Variants in DMXL1 observed in about 807,000 individuals in gnomAD.
DMXL1 encodes dmX-like protein 1.
DMXL1 carries 99 observed loss-of-function variants against 319.2 expected under a neutral mutation model. That is an observed-to-expected ratio of 0.31 (90% CI 0.26 to 0.37). DMXL1 has a LOEUF of 0.37. Among genes scored for constraint, DMXL1 ranks in the 10% least tolerant of loss-of-function variants. The probability of loss-of-function intolerance (pLI) is 1.00; values close to 1 mark genes in which losing one functional copy is unlikely to be tolerated. For synonymous variants in DMXL1, 1,385 were observed against 1,235.2 expected (o/e 1.12, Z -2.54); for missense variants, 3,745 against 3,595.6 (o/e 1.04, Z -1.06).
At chr5:119,157,372 G>A (rs1404945334) in intron 19 of DMXL1, among the ~76,000 whole-genome samples, 1 of 152,060 alleles carries the variant, frequency 6.6e-6, no homozygotes, top group Non-Finnish European at 1.5e-5. Flanking sequence ...CGTCCCTTTG[G>A]TGTGATATCC....
chr5:119,102,005 T>C lies in DMXL1; in HGVS notation c.284T>C (p.Leu95Ser). 6.3e-7 allele frequency: 1 copy of C among 1,582,290 alleles called. No homozygotes were observed. The highest frequency in any genetic ancestry group is 8.6e-7 in the Non-Finnish European group (1 of 1,156,328). The stretch of plus-strand genomic sequence containing the variant: ...AACCTACCAAAACAAAAGAAAAATT[T>C]GGTCAGTAATTTATGATTTCTTCTT... Reference protein sequence around the residue: ...PVNLPKQKKNLELYSQWQKSG... With the variant: ...PVNLPKQKKNSELYSQWQKSG... The change falls in exon 3 of 44, where the codon TTG becomes TCG. Residue 95 changes from leucine (L) to serine (S), a missense_variant and splice_region_variant. By Grantham distance (145) the Leu-to-Ser change is moderately radical (BLOSUM62 -2). Coordinates refer to ENST00000539542, the MANE Select transcript of DMXL1 (RefSeq NM_001290321.3).
At chr5:119,095,566 GT>G (rs1755763919) in intron 1 of DMXL1, among the ~76,000 whole-genome samples, 1 of 152,140 alleles carries the variant, frequency 6.6e-6, no homozygotes, top group Non-Finnish European at 1.5e-5. Context: ...GAAGACATGA[GT>G]TTTTTTATTC....
intron 9 of DMXL1, among the ~76,000 whole-genome samples, chr5:119,122,270 A>C (rs1256696771): frequency 4.8e-3 from 289 of 60,476 alleles, no homozygotes; most frequent in Admixed American, 8.5e-3. Flanking sequence ...GGGGCCGACC[A>C]CCCCACCTCC....
At chr5:119,171,564 TA>T (rs1774560957) in intron 24 of DMXL1, among the ~76,000 whole-genome samples, 1 of 144,470 alleles carries the variant, frequency 6.9e-6, no homozygotes, top group Non-Finnish European at 1.6e-5. Flanking sequence ...GATATTGTCT[TA>T]TTTTTTTTTT....
intron 9 of DMXL1, among the ~76,000 whole-genome samples, chr5:119,124,876 C>G (rs1763163955): frequency 6.6e-6 from 1 of 151,980 alleles, no homozygotes; most frequent in African/African-American, 2.4e-5. Flanking sequence ...CAACATTTTT[C>G]TTTTATTGTG....
At chr5:119,104,326 G>A (rs1757885440) in intron 3 of DMXL1, 1 of 152,218 alleles carries the variant, frequency 6.6e-6, no homozygotes, top group Non-Finnish European at 1.5e-5. Context: ...TTTCATGAAA[G>A]CATATTCTGT....
intron 9 of DMXL1, among the ~76,000 whole-genome samples, chr5:119,121,598 G>C (rs1052428932): frequency 1.3e-5 from 2 of 152,130 alleles, no homozygotes; most frequent in Admixed American, 6.5e-5. Context: ...AGGGTTGGGG[G>C]TAAGGTCACA....
chr5:119,080,084 C>T (rs1420222465), intron 1 of DMXL1, among the ~76,000 whole-genome samples: 4 of 152,134 alleles, frequency 2.6e-5, no homozygotes, highest in East Asian at 3.8e-4. Flanking sequence ...ATGTTCTGCA[C>T]GCCTGTAATC....
intron 3 of DMXL1, 54 bp from the exon 4 acceptor site, chr5:119,105,126 T>G: frequency 8.7e-7 from 1 of 1,146,740 alleles, no homozygotes; most frequent in South Asian, 1.2e-5. Context: ...CGTACACATT[T>G]GACAGAGAAA....
chr5:119,193,575 TG>T (rs761689286), intron 29 of DMXL1, among the ~76,000 whole-genome samples: 5 of 152,206 alleles, frequency 3.3e-5, no homozygotes, highest in Non-Finnish European at 7.3e-5. Context: ...TGATTGTATC[TG>T]TCTTAAAAAT....
intron 42 of DMXL1, among the ~76,000 whole-genome samples, chr5:119,241,204 T>C (rs1197803029): frequency 6.6e-6 from 1 of 152,124 alleles, no homozygotes; most frequent in Non-Finnish European, 1.5e-5. Flanking sequence ...TTTATTGATA[T>C]TGTAAAGTTT....
intron 19 of DMXL1, among the ~76,000 whole-genome samples, chr5:119,155,530 T>C (rs1770815140): frequency 6.6e-6 from 1 of 152,142 alleles, no homozygotes; most frequent in Admixed American, 6.5e-5. Context: ...ACTGAATTGC[T>C]GCAATCTCAG....
chr5:119,125,144 A>G (rs1000416232), intron 9 of DMXL1, among the ~76,000 whole-genome samples: 3 of 152,232 alleles, frequency 2.0e-5, no homozygotes, highest in Admixed American at 1.3e-4. Flanking sequence ...TTACATCACA[A>G]CATTGTTATG....
intron 38 of DMXL1, among the ~76,000 whole-genome samples, chr5:119,229,846 A>G (rs1786334175): frequency 6.6e-6 from 1 of 152,152 alleles, no homozygotes; most frequent in Non-Finnish European, 1.5e-5. Flanking sequence ...TAATTTACAG[A>G]AGCATGTTCT....
At chr5:119,234,764 T>C (rs948338878) in intron 39 of DMXL1, among the ~76,000 whole-genome samples, 1 of 152,190 alleles carries the variant, frequency 6.6e-6, no homozygotes, top group African/African-American at 2.4e-5. Context: ...CTTATCTCTC[T>C]AATGCATCTT....
intron 1 of DMXL1, among the ~76,000 whole-genome samples, chr5:119,080,845 C>T (rs1345781603): frequency 6.6e-6 from 1 of 152,062 alleles, no homozygotes; most frequent in East Asian, 1.9e-4. Flanking sequence ...AACGTCTTTC[C>T]ATTTACACAG....
In DMXL1 at chr5:119,133,806, T is replaced by G; in HGVS notation, c.1882T>G (p.Ser628Ala). Residue 628 changes from serine to alanine, a missense_variant, in exon 12 of 44, where the codon TCC becomes GCC. By Grantham distance (99) the Ser-to-Ala change is moderately conservative. Transcript: ENST00000539542. The part of the protein sequence containing the change: ...ESAFSTVLSI[S>A]HKSRYCGHRF... ...TGCTTTTTCTACTGTTCTCAGTATT[T>G]CCCACAAATCCAGATATTGTGGTCA... The G allele has an allele frequency of 6.2e-7, 1 of 1,614,250 alleles. No individual in the cohort carries two copies.
Position 119,137,503 on chromosome 5 carries a change from A to G in DMXL1, c.2376+3114A>G, listed in dbSNP as rs546515425. 3.5e-4 allele frequency among the ~76,000 whole-genome samples: 54 copies of G among 152,270 alleles called. 1 individual carries two copies. In the South Asian group the frequency reaches 8.9e-3, roughly 25 times the overall value. ...TTGGGAGGGGCTTGGGTGGATTGAT[A>G]TGGTTTATTGCTGTGTGCTCACCCA... On this transcript the variant is annotated intron_variant, in intron 13 of 43. Coordinates refer to ENST00000539542, the MANE Select transcript of DMXL1 (RefSeq NM_001290321.3).
chr5:119,207,821 C>T (rs1782028038), intron 34 of DMXL1, among the ~76,000 whole-genome samples: 1 of 152,156 alleles, frequency 6.6e-6, no homozygotes, highest in Non-Finnish European at 1.5e-5. Context: ...CGCGCCTGGC[C>T]AATTCAACTA....
Sources: gnomAD v4.1 joint callset for allele counts (sites outside exome capture counted in the v4.1 genomes callset) on GRCh38, gnomAD v4.1.1 for gene constraint, MANE v1.5 for transcripts, NCBI Gene and HGNC (gene_info 2026-07-23, HGNC 2026-07-21) for gene names.